NCKAP5: variants seen among roughly 807,000 people sequenced by gnomAD.
NCKAP5 encodes the protein nck-associated protein 5.
A neutral mutation model predicts 167.0 loss-of-function variants in NCKAP5; 92 were observed. The ratio of observed to expected loss-of-function variants is 0.55; its 90% CI spans 0.47 to 0.66. The LOEUF (loss-of-function observed/expected upper bound fraction) is 0.66, where lower values mean the gene tolerates loss of function less well. Ranked by LOEUF, NCKAP5 falls within the 30% of genes least tolerant of loss-of-function variation. The pLI is 0.00. For missense variants in NCKAP5, 2,378 were observed against 2,315.0 expected (o/e 1.03, Z -0.56); for synonymous variants, 891 against 877.4 (o/e 1.02, Z -0.27).
intron 6 of NCKAP5, among the ~76,000 whole-genome samples, chr2:133,034,989 A>G (rs1336836973): frequency 6.6e-6 from 1 of 152,072 alleles, no homozygotes; most frequent in Non-Finnish European, 1.5e-5. Context: ...ACGAAAAAAG[A>G]AGACCCATTG....
chr2:132,984,151 G>T (rs1046158475), intron 7 of NCKAP5, among the ~76,000 whole-genome samples: 1 of 152,146 alleles, frequency 6.6e-6, no homozygotes, highest in African/African-American at 2.4e-5. Flanking sequence ...GTCCAGAAAA[G>T]ATCTTCAAGA....
intron 16 of NCKAP5, among the ~76,000 whole-genome samples, chr2:132,737,894 C>A (rs1000780295): frequency 6.6e-6 from 1 of 152,332 alleles, no homozygotes; most frequent in Admixed American, 6.5e-5. Context: ...CATGATTGCT[C>A]TTATTCTACA....
chr2:133,036,920 CT>C, intron 6 of NCKAP5, among the ~76,000 whole-genome samples: 1 of 151,936 alleles, frequency 6.6e-6, no homozygotes, highest in Middle Eastern at 3.2e-3. Context: ...TTGGTAAAAC[CT>C]AAAGGCTCCA....
chr2:133,394,079 A>G (rs142164002), intron 3 of NCKAP5, among the ~76,000 whole-genome samples: 171 of 152,354 alleles, frequency 1.1e-3, no homozygotes, highest in Non-Finnish European at 1.9e-3. Flanking sequence ...TGCCTTCTTT[A>G]CAGAGAAGCT....
rs1400273341 is a variant in NCKAP5 at position 133,005,279 on chromosome 2, TA to T, written c.342-11041del. 3.3e-5 allele frequency among the ~76,000 whole-genome samples: 5 copies of T among 152,320 alleles called. No homozygotes were observed. In the East Asian group the frequency reaches 5.8e-4, roughly 18 times the overall value. Reference sequence around the variant, plus strand: ...TCAGAGATTGCCATAAAGACAGGTGTAAAAAATTATTAAAGTATTAATTTGG... The same window carrying T: ...TCAGAGATTGCCATAAAGACAGGTGTAAAAATTATTAAAGTATTAATTTGG... On this transcript the variant is annotated intron_variant, in intron 6 of 19. Transcript: ENST00000409261.
chr2:133,302,757 T>A (rs1415994702), intron 4 of NCKAP5, among the ~76,000 whole-genome samples: 3 of 148,812 alleles, frequency 2.0e-5, no homozygotes, highest in African/African-American at 7.4e-5. Flanking sequence ...AATGTGCACA[T>A]GTACCCTAAA....
intron 11 of NCKAP5, among the ~76,000 whole-genome samples, chr2:132,839,996 A>G (rs1292688424): frequency 6.6e-6 from 1 of 152,178 alleles, no homozygotes; most frequent in Non-Finnish European, 1.5e-5. Flanking sequence ...CCATCTGTTT[A>G]CAAGATGAAT....
intron 6 of NCKAP5, among the ~76,000 whole-genome samples, chr2:132,997,376 A>G (rs2149320115): frequency 6.6e-6 from 1 of 152,338 alleles, no homozygotes; most frequent in Non-Finnish European, 1.5e-5. Flanking sequence ...GCATGTATCC[A>G]GCTGAGAAAG....
intron 5 of NCKAP5, among the ~76,000 whole-genome samples, chr2:133,154,146 C>T (rs2083485835): frequency 6.6e-6 from 1 of 152,078 alleles, no homozygotes. Context: ...CCGGCCAGTT[C>T]CTCCTTCTTG....
At chr2:133,111,871 C>G (rs557388103) in intron 6 of NCKAP5, among the ~76,000 whole-genome samples, 1 of 152,226 alleles carries the variant, frequency 6.6e-6, no homozygotes, top group East Asian at 1.9e-4. Flanking sequence ...AAAAAAATCA[C>G]TTGAAACTTT....
At chr2:133,011,455 A>T (rs983346703) in intron 6 of NCKAP5, among the ~76,000 whole-genome samples, 3 of 152,256 alleles carry the variant, frequency 2.0e-5, no homozygotes, top group African/African-American at 7.2e-5. Flanking sequence ...AGAGAGGGAA[A>T]GGGCCTGTTT....
chr2:132,733,308 A>C (rs1691203610), intron 16 of NCKAP5, among the ~76,000 whole-genome samples: 2 of 152,212 alleles, frequency 1.3e-5, no homozygotes, highest in African/African-American at 4.8e-5. Flanking sequence ...AAGCGGAACA[A>C]CTTAGCACTG....
At chr2:133,351,521 A>G (rs1559407818) in intron 3 of NCKAP5, among the ~76,000 whole-genome samples, 1 of 152,206 alleles carries the variant, frequency 6.6e-6, no homozygotes, top group African/African-American at 2.4e-5. Context: ...CACACACATC[A>G]TTAGGTAAGT....
chr2:133,598,306 G>T, the NCKAP5 span, among the ~76,000 whole-genome samples: 5 of 152,316 alleles, frequency 3.3e-5, no homozygotes, highest in East Asian at 9.6e-4. Flanking sequence ...ATAACACACT[G>T]TAGGCTCATG....
chr2:133,104,257 C>G (rs1253330959), intron 6 of NCKAP5, among the ~76,000 whole-genome samples: 1 of 152,180 alleles, frequency 6.6e-6, no homozygotes, highest in Non-Finnish European at 1.5e-5. Context: ...GGCTACAAAT[C>G]AACCAGAACT....
At chr2:132,881,815 T>C (rs1423761567) in intron 8 of NCKAP5, among the ~76,000 whole-genome samples, 1 of 152,172 alleles carries the variant, frequency 6.6e-6, no homozygotes, top group Non-Finnish European at 1.5e-5. Context: ...TTGCAATTAA[T>C]AAGTAATTTG....
chr2:133,026,771 T>C (rs2078712303), intron 6 of NCKAP5, among the ~76,000 whole-genome samples: 1 of 152,186 alleles, frequency 6.6e-6, no homozygotes. Flanking sequence ...ACATGCTAAT[T>C]TGATCCTAAT....
chr2:133,595,358 T>A, the NCKAP5 span, among the ~76,000 whole-genome samples: 2 of 151,250 alleles, frequency 1.3e-5, no homozygotes, highest in Non-Finnish European at 3.0e-5. Context: ...TTCCTTCTCC[T>A]CCCTCATCCT....
At chr2:133,470,095 T>C (rs1430359734) in intron 3 of NCKAP5, among the ~76,000 whole-genome samples, 2 of 152,134 alleles carry the variant, frequency 1.3e-5, no homozygotes, top group African/African-American at 4.8e-5. Flanking sequence ...CTCTGCTTTT[T>C]AGAGTTTCCA....
Sources: allele counts gnomAD v4.1 joint callset (sites outside exome capture counted in the v4.1 genomes callset), GRCh38; gene constraint gnomAD v4.1.1; transcripts MANE v1.5; gene names NCBI Gene and HGNC (gene_info 2026-07-23, HGNC 2026-07-21).